The following CNGA1 variants were observed in gnomAD, a reference collection of about 807,000 sequenced individuals.
CNGA1 encodes the protein cyclic nucleotide gated channel subunit alpha 1.
CNGA1 carries 53 observed loss-of-function variants against 69.7 expected under a neutral mutation model. That is an observed-to-expected ratio of 0.76 (90% confidence interval 0.61 to 0.96). The LOEUF (loss-of-function observed/expected upper bound fraction) is 0.96, where lower values mean the gene tolerates loss of function less well. Ranked by LOEUF, CNGA1 falls within the 40% of genes least tolerant of loss-of-function variation. CNGA1 has a pLI of 0.00. For missense variants in CNGA1, 739 were observed against 811.2 expected, an observed-to-expected ratio of 0.91 and a Z score of 1.08; for synonymous variants, 249 against 283.5, an observed-to-expected ratio of 0.88 and a Z score of 1.22.
chr4:47,971,192 G>A, intron 3 of CNGA1: 1 of 393,924 alleles, frequency 2.5e-6, no homozygotes. Context: ...GTGTGTGTGT[G>A]TGTGTGCTGT....
chr4:47,993,423 G>T (rs1321585944), intron 2 of CNGA1, among the ~76,000 whole-genome samples: 1 of 151,968 alleles, frequency 6.6e-6, no homozygotes, highest in Non-Finnish European at 1.5e-5. Flanking sequence ...GCAGGGTTCT[G>T]TCTTTCCAGG....
intron 3 of CNGA1, among the ~76,000 whole-genome samples, chr4:47,963,941 T>C (rs569567971): frequency 2.0e-4 from 30 of 152,336 alleles, no homozygotes; most frequent in African/African-American, 6.7e-4. Flanking sequence ...ATGCTTTCTA[T>C]CTTACTCCAG....
At chr4:47,976,438 G>A (rs1191013282) in intron 3 of CNGA1, among the ~76,000 whole-genome samples, 4 of 150,136 alleles carry the variant, frequency 2.7e-5, no homozygotes, top group African/African-American at 4.9e-5. Flanking sequence ...AACTTACTTC[G>A]TTTCTCTTTA....
chr4:48,001,719 C>CA (rs1714671578), intron 2 of CNGA1, among the ~76,000 whole-genome samples: 1 of 152,146 alleles, frequency 6.6e-6, no homozygotes, highest in South Asian at 2.1e-4. Context: ...CTACACCCAG[C>CA]AACTGCAGAA....
intron 2 of CNGA1, among the ~76,000 whole-genome samples, chr4:48,000,659 T>C (rs537167092): frequency 4.7e-5 from 7 of 148,730 alleles, no homozygotes; most frequent in Non-Finnish European, 1.0e-4. Flanking sequence ...TGAGCCACCG[T>C]GCCCAGCAAC....
intron 3 of CNGA1, among the ~76,000 whole-genome samples, chr4:47,966,424 T>G (rs973644549): frequency 3.9e-5 from 6 of 152,222 alleles, no homozygotes; most frequent in African/African-American, 1.4e-4. Flanking sequence ...TCTTTAAATT[T>G]AGCATGCATA....
intron 3 of CNGA1, among the ~76,000 whole-genome samples, chr4:47,971,906 AAACAAACAAAC>A (rs1741067066): frequency 1.2e-5 from 1 of 86,476 alleles, no homozygotes; most frequent in Non-Finnish European, 3.0e-5. Context: ...ACAAACAAAC[AAACAAACAAAC>A]AACAACAACA....
intron 2 of CNGA1, among the ~76,000 whole-genome samples, chr4:48,002,121 A>C (rs368623240): frequency 3.8e-4 from 58 of 152,302 alleles, no homozygotes; most frequent in African/African-American, 1.3e-3. Flanking sequence ...CAAAGTCTAA[A>C]CTTTCACCTT....
chr4:47,982,458 T>G (rs1388230480), intron 2 of CNGA1, among the ~76,000 whole-genome samples: 1 of 152,144 alleles, frequency 6.6e-6, no homozygotes, highest in African/African-American at 2.4e-5. Flanking sequence ...TTAGGAAGAT[T>G]GACTTCTGAG....
chr4:48,015,104 G>A (rs1715323469), intron 1 of CNGA1, among the ~76,000 whole-genome samples: 1 of 152,172 alleles, frequency 6.6e-6, no homozygotes, highest in African/African-American at 2.4e-5. Context: ...CGTGAACCCA[G>A]GAGGCGGAGC....
At chr4:47,951,789 T>C (rs541051882) in intron 4 of CNGA1, among the ~76,000 whole-genome samples, 2 of 152,388 alleles carry the variant, frequency 1.3e-5, no homozygotes, top group African/African-American at 4.8e-5. Flanking sequence ...GATCATATTA[T>C]ACCTTTGTGT....
chr4:47,962,343 CAAAA>C (rs34020963), intron 3 of CNGA1, among the ~76,000 whole-genome samples: 12 of 126,132 alleles, frequency 9.5e-5, no homozygotes, highest in East Asian at 2.5e-4. Context: ...GACTCTGTCT[CAAAA>C]AAAAAAAAAA....
intron 2 of CNGA1, among the ~76,000 whole-genome samples, chr4:47,990,002 C>T (rs1742183927): frequency 6.7e-6 from 1 of 149,328 alleles, no homozygotes; most frequent in Non-Finnish European, 1.5e-5. Flanking sequence ...CCATCATCTT[C>T]ATAAGCTGAG....
intron 3 of CNGA1, among the ~76,000 whole-genome samples, chr4:47,978,491 T>C (rs1560302491): frequency 6.6e-6 from 1 of 152,162 alleles, no homozygotes; most frequent in East Asian, 1.9e-4. Context: ...CGTCTAACTA[T>C]TAATAATTAT....
intron 2 of CNGA1, among the ~76,000 whole-genome samples, chr4:48,009,322 C>T (rs321649): frequency 0.14 from 21,335 of 151,638 alleles, 1,828 homozygotes; most frequent in Middle Eastern, 0.23. Flanking sequence ...AAAAATTAGC[C>T]GAGGGTGGTG....
chr4:48,009,389 C>T (rs1002922091), intron 2 of CNGA1, among the ~76,000 whole-genome samples: 4 of 146,944 alleles, frequency 2.7e-5, no homozygotes, highest in Non-Finnish European at 3.0e-5. Flanking sequence ...CACTTGAACC[C>T]GGGAAGCAGA....
Position 47,979,049 on chromosome 4 carries a change from G to T in CNGA1, c.-15+2344C>A, listed in dbSNP as rs914699422. ...CAAAATCTTGGCACAGGCTGGGCATGGTGGCTCACACCTGTAATCCCAGCA... is the reference window on the plus strand; with the variant it reads ...CAAAATCTTGGCACAGGCTGGGCATTGTGGCTCACACCTGTAATCCCAGCA... On this transcript the variant is annotated intron_variant, in intron 3 of 10. Coordinates refer to ENST00000514170, the MANE Select transcript of CNGA1 (RefSeq NM_001379270.1). Among the ~76,000 whole-genome samples, 3 of 152,230 alleles carry T rather than the reference G, an allele frequency of 2.0e-5. No homozygotes were observed. The East Asian group carries it at 5.8e-4, about 29-fold the overall frequency.
chr4:48,000,440 G>A (rs1266219976), intron 2 of CNGA1, among the ~76,000 whole-genome samples: 1 of 151,948 alleles, frequency 6.6e-6, no homozygotes, highest in Non-Finnish European at 1.5e-5. Context: ...CATGATCTCG[G>A]CTCACCGCAA....
At chr4:47,991,310 G>A (rs75372533) in intron 2 of CNGA1, among the ~76,000 whole-genome samples, 1 of 152,098 alleles carries the variant, frequency 6.6e-6, no homozygotes, top group Non-Finnish European at 1.5e-5. Context: ...CCGCATCCAT[G>A]CAAACATCTA....
Sources: allele counts gnomAD v4.1 joint callset (sites outside exome capture counted in the v4.1 genomes callset), GRCh38; gene constraint gnomAD v4.1.1; transcripts MANE v1.5; gene names NCBI Gene and HGNC (gene_info 2026-07-23, HGNC 2026-07-21).